Variants in LUZP2 observed in about 807,000 individuals in gnomAD.
The protein encoded by LUZP2 is leucine zipper protein 2.
Under a neutral mutation model 51.6 loss-of-function variants are expected in LUZP2, and 52 were observed. That is an observed-to-expected ratio of 1.01 (90% CI 0.81 to 1.27). The LOEUF is 1.27. Among genes scored for constraint, LUZP2 ranks in the 50% most tolerant of loss-of-function variants. The probability of loss-of-function intolerance (pLI) is 0.00; values close to 1 mark genes in which losing one functional copy is unlikely to be tolerated. For synonymous variants in LUZP2, 154 were observed against 137.3 expected (o/e 1.12, Z -0.85); for missense variants, 436 against 395.4 (o/e 1.10, Z -0.87).
intron 9 of LUZP2, among the ~76,000 whole-genome samples, chr11:25,023,905 C>T (rs1470343003): frequency 6.6e-6 from 1 of 152,154 alleles, no homozygotes; most frequent in Non-Finnish European, 1.5e-5. Flanking sequence ...ATTAGTCATT[C>T]AGGAGCAGGT....
intron 7 of LUZP2, among the ~76,000 whole-genome samples, chr11:24,936,813 A>G (rs1854599935): frequency 6.6e-6 from 1 of 152,092 alleles, no homozygotes. Context: ...ACAATAACCA[A>G]CACATATTTT....
intron 5 of LUZP2, among the ~76,000 whole-genome samples, chr11:24,790,264 T>A (rs1849371181): frequency 6.6e-6 from 1 of 152,148 alleles, no homozygotes; most frequent in Admixed American, 6.6e-5. Flanking sequence ...CATATTTGCA[T>A]TGAATGTGAA....
intron 1 of LUZP2, among the ~76,000 whole-genome samples, chr11:24,507,276 C>T (rs1850171503): frequency 6.6e-6 from 1 of 152,024 alleles, no homozygotes; most frequent in Admixed American, 6.6e-5. Context: ...TATTGCAGAA[C>T]TATAAACTCT....
In LUZP2 at chr11:25,050,016, A is replaced by C. The variant is rs58327325; in HGVS notation, c.766-22A>C. On this transcript the variant is annotated intron_variant, in intron 9 of 11. Transcript: ENST00000336930. ...TGTATTTAGTGATTTCTTTCTTTCT[A>C]TCTCTCTTCGTCTCTTTTAAGCCTC... 21 of 1,435,512 alleles carry C rather than the reference A, an allele frequency of 1.5e-5. No homozygotes were observed. The Admixed American group carries it at 3.5e-4, about 24-fold the overall frequency. 88.9% of individuals were successfully genotyped at this position (1,435,512 alleles called of 1,614,324 possible). A position where few individuals can be genotyped will look rare whatever the true frequency, so the allele number is the denominator to read the frequency against.
At chr11:24,745,411 A>G (rs1565113499) in intron 4 of LUZP2, among the ~76,000 whole-genome samples, 1 of 152,130 alleles carries the variant, frequency 6.6e-6, no homozygotes, top group African/African-American at 2.4e-5. Flanking sequence ...ATATATGTTT[A>G]GGATTGTGAT....
chr11:24,869,776 C>T (rs1168726680), intron 5 of LUZP2, among the ~76,000 whole-genome samples: 1 of 152,048 alleles, frequency 6.6e-6, no homozygotes, highest in Non-Finnish European at 1.5e-5. Flanking sequence ...TCCCTATTAC[C>T]AGAGACACAA....
chr11:24,790,684 TAG>T, intron 5 of LUZP2, among the ~76,000 whole-genome samples: 1 of 152,202 alleles, frequency 6.6e-6, no homozygotes, highest in East Asian at 1.9e-4. Flanking sequence ...GTATTTTTAG[TAG>T]AGTCGGGGTT....
chr11:24,600,628 A>G (rs1432000923), intron 1 of LUZP2, among the ~76,000 whole-genome samples: 1 of 152,068 alleles, frequency 6.6e-6, no homozygotes, highest in African/African-American at 2.4e-5. Flanking sequence ...TCTAACTAAA[A>G]CTTAGCTCAC....
chr11:24,535,659 C>CT (rs1564975654), intron 1 of LUZP2, among the ~76,000 whole-genome samples: 2 of 151,482 alleles, frequency 1.3e-5, no homozygotes, highest in South Asian at 4.1e-4. Flanking sequence ...TCTCCACCAC[C>CT]TCAGACACAC....
chr11:24,667,869 C>T (rs1000767149), intron 1 of LUZP2, among the ~76,000 whole-genome samples: 1 of 152,196 alleles, frequency 6.6e-6, no homozygotes, highest in Non-Finnish European at 1.5e-5. Context: ...CTTCTGACTC[C>T]TTTCAGAGAA....
intron 5 of LUZP2, among the ~76,000 whole-genome samples, chr11:24,801,634 G>A (rs751948992): frequency 5.1e-4 from 78 of 151,630 alleles, no homozygotes; most frequent in Admixed American, 7.2e-4. Context: ...AAAATGCTAC[G>A]TTGAATGTTT....
At chr11:24,816,954 A>C (rs2134148827) in intron 5 of LUZP2, among the ~76,000 whole-genome samples, 1 of 152,196 alleles carries the variant, frequency 6.6e-6, no homozygotes, top group East Asian at 1.9e-4. Context: ...TTAATGTTCC[A>C]TTACATATTT....
At chr11:24,655,228 A>G (rs1855765072) in intron 1 of LUZP2, among the ~76,000 whole-genome samples, 1 of 152,214 alleles carries the variant, frequency 6.6e-6, no homozygotes, top group African/African-American at 2.4e-5. Flanking sequence ...ACAAGTTAAG[A>G]CAAAAATTGG....
chr11:24,526,002 G>A (rs976205940), intron 1 of LUZP2, among the ~76,000 whole-genome samples: 5 of 151,248 alleles, frequency 3.3e-5, no homozygotes, highest in African/African-American at 1.2e-4. Context: ...GAAGACACCA[G>A]ACCAAAATAG....
At chr11:24,517,683 T>C (rs1201416432) in intron 1 of LUZP2, among the ~76,000 whole-genome samples, 1 of 152,012 alleles carries the variant, frequency 6.6e-6, no homozygotes, top group East Asian at 1.9e-4. Context: ...TAGTTTGCTT[T>C]CTTAAAAATC....
intron 7 of LUZP2, among the ~76,000 whole-genome samples, chr11:24,965,213 C>G (rs1453151048): frequency 6.7e-6 from 1 of 149,704 alleles, no homozygotes; most frequent in Non-Finnish European, 1.5e-5. Flanking sequence ...ATAATTTTCA[C>G]CATTTTTCTT....
chr11:24,938,458 A>G (rs894121597), intron 7 of LUZP2, among the ~76,000 whole-genome samples: 1 of 152,172 alleles, frequency 6.6e-6, no homozygotes, highest in Non-Finnish European at 1.5e-5. Flanking sequence ...CTTTGCTATA[A>G]TAATTTGGTT....
chr11:24,549,105 T>A (rs1357650997), intron 1 of LUZP2, among the ~76,000 whole-genome samples: 1 of 152,088 alleles, frequency 6.6e-6, no homozygotes, highest in African/African-American at 2.4e-5. Flanking sequence ...TCTTTTGTTA[T>A]AAAATTTAGT....
At chr11:24,539,591 T>C (rs916436410) in intron 1 of LUZP2, among the ~76,000 whole-genome samples, 17 of 152,020 alleles carry the variant, frequency 1.1e-4, no homozygotes, top group African/African-American at 4.1e-4. Context: ...GAAGTAAATA[T>C]TCCTGCATCA....
Sources: gnomAD v4.1 joint callset for allele counts (sites outside exome capture counted in the v4.1 genomes callset) on GRCh38, gnomAD v4.1.1 for gene constraint, MANE v1.5 for transcripts, NCBI Gene and HGNC (gene_info 2026-07-23, HGNC 2026-07-21) for gene names.